SLC14A2: variants seen among roughly 807,000 people sequenced by gnomAD.
The protein encoded by SLC14A2 is urea transporter 2.
SLC14A2 carries 91 observed loss-of-function variants against 104.6 expected under a neutral mutation model. The ratio of observed to expected loss-of-function variants is 0.87; its 90% confidence interval spans 0.73 to 1.04. The LOEUF (loss-of-function observed/expected upper bound fraction) is 1.04, where lower values mean the gene tolerates loss of function less well. SLC14A2 is among the 50% of genes least tolerant of loss of function. SLC14A2 has a pLI of 0.00. For synonymous variants in SLC14A2, 476 were observed against 466.4 expected (o/e 1.02, Z -0.27); for missense variants, 1,189 against 1,156.0 (o/e 1.03, Z -0.41).
chr18:45,419,801 A>G (rs865843827), intron 1 of SLC14A2, among the ~76,000 whole-genome samples: 2 of 151,434 alleles, frequency 1.3e-5, no homozygotes, highest in African/African-American at 4.9e-5. Flanking sequence ...CTCCAGTTTT[A>G]TTTTATGTAA....
In SLC14A2 at chr18:45,225,432, T is replaced by C. The variant is rs1410201160; in HGVS notation, c.-125+12241T>C. The stretch of plus-strand genomic sequence containing the variant: ...GTTTGAAGTCAGGTAGCATGATGCC[T>C]CCAGCTTTGTTCTTTTGGCTTAGGA... On this transcript the variant is annotated intron_variant, in intron 1 of 20. Coordinates refer to the SLC14A2 transcript ENST00000586448. Among the ~76,000 whole-genome samples the C allele has an allele frequency of 4.6e-5, 7 of 152,292 alleles. No homozygotes were observed. The East Asian group carries it at 1.4e-3, about 29-fold the overall frequency.
intron 2 of SLC14A2, among the ~76,000 whole-genome samples, chr18:45,558,030 C>T (rs1010467405): frequency 2.0e-5 from 3 of 152,138 alleles, no homozygotes; most frequent in South Asian, 2.1e-4. Flanking sequence ...TTATTGAGGG[C>T]CTGCCAAGCT....
intron 2 of SLC14A2, among the ~76,000 whole-genome samples, chr18:45,568,764 C>T (rs2044303565): frequency 6.6e-6 from 1 of 152,146 alleles, no homozygotes; most frequent in Admixed American, 6.5e-5. Flanking sequence ...AAGAGCTAAC[C>T]CTTGGTTGTC....
chr18:45,405,245 G>A (rs1345717929), intron 1 of SLC14A2, among the ~76,000 whole-genome samples: 1 of 152,142 alleles, frequency 6.6e-6, no homozygotes, highest in Non-Finnish European at 1.5e-5. Context: ...ACCATCTTTG[G>A]AGTTCTGATA....
At chr18:45,327,235 T>G (rs1156291541) in intron 1 of SLC14A2, among the ~76,000 whole-genome samples, 6 of 140,366 alleles carry the variant, frequency 4.3e-5, no homozygotes, top group African/African-American at 1.4e-4. Context: ...GGAGCCATAA[T>G]GTAATTAGTA....
At chr18:45,444,541 A>T (rs559174424) in intron 1 of SLC14A2, among the ~76,000 whole-genome samples, 1 of 152,346 alleles carries the variant, frequency 6.6e-6, no homozygotes, top group African/African-American at 2.4e-5. Context: ...TCCATATTTA[A>T]AAAGGAGTGA....
chr18:45,232,066 G>A (rs751743139), intron 1 of SLC14A2, among the ~76,000 whole-genome samples: 3 of 151,912 alleles, frequency 2.0e-5, no homozygotes, highest in East Asian at 1.9e-4. Context: ...ATGAGTGAAT[G>A]AACCAGAGTT....
chr18:45,314,183 C>T (rs1439978093), intron 1 of SLC14A2, among the ~76,000 whole-genome samples: 1 of 152,196 alleles, frequency 6.6e-6, no homozygotes, highest in Non-Finnish European at 1.5e-5. Context: ...TGCCCTTGAT[C>T]ATGAGGGTGA....
At chr18:45,476,961 C>T (rs894214353) in intron 1 of SLC14A2, among the ~76,000 whole-genome samples, 1 of 152,100 alleles carries the variant, frequency 6.6e-6, no homozygotes, top group African/African-American at 2.4e-5. Flanking sequence ...TGTTATTACC[C>T]GCCTTCTGAA....
chr18:45,457,347 C>T (rs897432114), intron 1 of SLC14A2, among the ~76,000 whole-genome samples: 1 of 152,090 alleles, frequency 6.6e-6, no homozygotes, highest in Non-Finnish European at 1.5e-5. Context: ...TGAGGCATGT[C>T]CCTGGTGGTG....
chr18:45,259,444 C>T (rs975956166), intron 1 of SLC14A2, among the ~76,000 whole-genome samples: 1 of 152,136 alleles, frequency 6.6e-6, no homozygotes, highest in Non-Finnish European at 1.5e-5. Context: ...ATTCATTTCA[C>T]ATAAATGGCA....
At chr18:45,556,074 A>G (rs73955860) in intron 2 of SLC14A2, among the ~76,000 whole-genome samples, 1 of 152,264 alleles carries the variant, frequency 6.6e-6, no homozygotes, top group African/African-American at 2.4e-5. Context: ...GGTTCTAGTG[A>G]GGGCCCTCTT....
chr18:45,213,491 T>A (rs2083979727), intron 1 of SLC14A2, among the ~76,000 whole-genome samples: 1 of 152,138 alleles, frequency 6.6e-6, no homozygotes, highest in East Asian at 1.9e-4. Flanking sequence ...TCAATTTTCA[T>A]TTTTTTAACT....
chr18:45,228,608 T>A (rs1568110460), intron 1 of SLC14A2, among the ~76,000 whole-genome samples: 1 of 152,148 alleles, frequency 6.6e-6, no homozygotes, highest in Non-Finnish European at 1.5e-5. Context: ...ACCTTCCCCC[T>A]TCTCTTCTTA....
At chr18:45,351,623 T>C (rs953944231) in intron 1 of SLC14A2, among the ~76,000 whole-genome samples, 1 of 152,186 alleles carries the variant, frequency 6.6e-6, no homozygotes. Context: ...CCAAAAATGC[T>C]GGTATTACAG....
the SLC14A2 span, among the ~76,000 whole-genome samples, chr18:45,183,650 T>TTTCC: frequency 6.6e-6 from 1 of 151,500 alleles, no homozygotes; most frequent in Non-Finnish European, 1.5e-5. Flanking sequence ...TTTCCTTTTC[T>TTTCC]TTCTTTTTCT....
At chr18:45,586,060 A>C (rs2044562558) in intron 2 of SLC14A2, among the ~76,000 whole-genome samples, 1 of 152,240 alleles carries the variant, frequency 6.6e-6, no homozygotes, top group Admixed American at 6.5e-5. Context: ...ACAAGTAATA[A>C]ATATGTTAAT....
intron 1 of SLC14A2, among the ~76,000 whole-genome samples, chr18:45,345,144 T>C (rs1307107815): frequency 6.6e-6 from 1 of 152,162 alleles, no homozygotes; most frequent in Non-Finnish European, 1.5e-5. Context: ...GTCAGTACCT[T>C]TCACTTTGTG....
chr18:45,237,645 A>C (rs2084269378), intron 1 of SLC14A2, among the ~76,000 whole-genome samples: 1 of 152,250 alleles, frequency 6.6e-6, no homozygotes. Context: ...TGTTAGGGAC[A>C]GTTCTCAGAA....
Sources: allele counts gnomAD v4.1 joint callset (sites outside exome capture counted in the v4.1 genomes callset), GRCh38; gene constraint gnomAD v4.1.1; transcripts MANE v1.5; gene names NCBI Gene and HGNC (gene_info 2026-07-23, HGNC 2026-07-21).